Variants in BACH2 observed in about 807,000 individuals in gnomAD.
BACH2 encodes the protein BACH transcriptional regulator 2.
A neutral mutation model predicts 61.8 loss-of-function variants in BACH2; 5 were observed. That is an observed-to-expected ratio of 0.08 (90% CI 0.04 to 0.17). BACH2 has a LOEUF of 0.17. Ranked by LOEUF, BACH2 falls within the 10% of genes least tolerant of loss-of-function variation. The pLI is 1.00. For missense variants in BACH2, 824 were observed against 1,091.1 expected (o/e 0.76, Z 3.45); for synonymous variants, 446 against 440.1 (o/e 1.01, Z -0.17).
At position 89,950,687 on chromosome 6, in the gene BACH2, G is replaced by T; in HGVS notation, c.1419C>A (p.Ser473=). ...GGGAGTAGGCCTGCGAGCTGGGGAG[G>T]GACTGGCCGGCTCCCACCCACAGAC... ...PKGLWVGAGQ[S]LPSSQAYSHG... is the part of the protein sequence containing the mutation. Residue 473 remains serine (S), a synonymous_variant, in exon 7 of 9, where the codon TCC becomes TCA. Coordinates refer to ENST00000257749, the MANE Select transcript of BACH2 (RefSeq NM_021813.4). This position sits in a 1 kb window ranked among gnomAD's most constrained non-coding sequence, Gnocchi z 5.3. The T allele has an allele frequency of 6.2e-7, 1 of 1,614,098 alleles. No homozygotes were observed. The highest frequency in any genetic ancestry group is 8.5e-7 in the Non-Finnish European group (1 of 1,180,024).
chr6:90,176,440 C>T (rs1010881313), intron 4 of BACH2, among the ~76,000 whole-genome samples: 1 of 152,152 alleles, frequency 6.6e-6, no homozygotes, highest in Non-Finnish European at 1.5e-5. Context: ...CACCTCACGG[C>T]ACCTGGACAA....
At chr6:90,266,231 G>A (rs1466338609) in intron 2 of BACH2, among the ~76,000 whole-genome samples, 1 of 152,128 alleles carries the variant, frequency 6.6e-6, no homozygotes, top group African/African-American at 2.4e-5. Context: ...AAATCCAGAG[G>A]GTGTGATATG....
In BACH2 at chr6:90,087,727, G is replaced by GTT. The variant is rs11403190; in HGVS notation, c.-13+1232_-13+1233dup. On this transcript the variant is annotated intron_variant, in intron 5 of 8. Coordinates refer to ENST00000257749, the MANE Select transcript of BACH2 (RefSeq NM_021813.4). ...GGTGTGCTTCCCTTCCCATGTGTGT[G>GTT]TTTTTTTTTTATTTTTAACTTTTGT... Among the ~76,000 whole-genome samples the GTT allele has an allele frequency of 1.7e-4, 25 of 149,420 alleles. 1 individual carries two copies. Among genetic ancestry groups the GTT allele is most frequent in the Admixed American group, 5.3e-4 (8 of 15,036 alleles).
rs1446852729 is a variant in BACH2, at chr6:89,928,122, A to G, written c.*4286T>C. 8.0e-6 allele frequency: 1 copy of G among 125,326 alleles called. No homozygotes were observed. 7.8% of individuals were successfully genotyped at this position (125,326 alleles called of 1,614,324 possible). A position where few individuals can be genotyped will look rare whatever the true frequency, so the allele number is the denominator to read the frequency against. ...ATACAACGAACAGCTTTATTCTTAGAAAACAAAAACAAAAACAAAAAACAC... is the reference window on the plus strand; with the variant it reads ...ATACAACGAACAGCTTTATTCTTAGGAAACAAAAACAAAAACAAAAAACAC... On this transcript the variant is annotated 3_prime_UTR_variant, in exon 9 of 9. Coordinates refer to ENST00000257749, the MANE Select transcript of BACH2 (RefSeq NM_021813.4).
At chr6:90,092,291 A>AAAAAAAAAAAAAATATATATATATAT in intron 4 of BACH2, among the ~76,000 whole-genome samples, 1 of 113,826 alleles carries the variant, frequency 8.8e-6, no homozygotes, top group African/African-American at 3.6e-5. Context: ...AAAAAAAAAA[A>AAAAAAAAAAAAAATATATATATATAT]ATATATATAT....
At chr6:90,007,854 A>G (rs554251029) in intron 6 of BACH2, among the ~76,000 whole-genome samples, 1 of 152,186 alleles carries the variant, frequency 6.6e-6, no homozygotes, top group Admixed American at 6.5e-5. Flanking sequence ...CCCGAACACA[A>G]AGTATTATCC....
chr6:90,132,806 A>AATCCT (rs1273333722), intron 4 of BACH2, among the ~76,000 whole-genome samples: 1 of 152,118 alleles, frequency 6.6e-6, no homozygotes, highest in Non-Finnish European at 1.5e-5. Flanking sequence ...CTGTCTTTCC[A>AATCCT]ATCCTATTTC....
At chr6:90,212,302 C>T (rs1341444203) in intron 3 of BACH2, among the ~76,000 whole-genome samples, 2 of 152,152 alleles carry the variant, frequency 1.3e-5, no homozygotes, top group Non-Finnish European at 2.9e-5. Flanking sequence ...TAGACTCCTG[C>T]CCCCTTCCCC....
chr6:90,185,156 G>A (rs1768311560), intron 4 of BACH2, among the ~76,000 whole-genome samples: 1 of 152,150 alleles, frequency 6.6e-6, no homozygotes, highest in African/African-American at 2.4e-5. Context: ...AGACAGACAC[G>A]GAACAGCCAA....
At chr6:90,022,157 T>G (rs1276416257) in intron 5 of BACH2, among the ~76,000 whole-genome samples, 1 of 152,236 alleles carries the variant, frequency 6.6e-6, no homozygotes, top group Non-Finnish European at 1.5e-5. Context: ...AGTCCCAATT[T>G]TTTTTGCTAA....
At chr6:89,943,253 G>A (rs2128354979) in intron 7 of BACH2, among the ~76,000 whole-genome samples, 1 of 152,204 alleles carries the variant, frequency 6.6e-6, no homozygotes, top group African/African-American at 2.4e-5. Context: ...CGAGGCAGAG[G>A]GGAGGCTGTA....
At chr6:90,125,456 T>C (rs1783808522) in intron 4 of BACH2, among the ~76,000 whole-genome samples, 1 of 152,202 alleles carries the variant, frequency 6.6e-6, no homozygotes, top group Non-Finnish European at 1.5e-5. Context: ...TCCTCTGCCG[T>C]CAGGAATGGG....
intron 4 of BACH2, among the ~76,000 whole-genome samples, chr6:90,187,724 TTC>T (rs1406199390): frequency 6.6e-6 from 1 of 152,242 alleles, no homozygotes; most frequent in Non-Finnish European, 1.5e-5. Context: ...GATCAGATTA[TTC>T]TGTTTTTTAA....
intron 6 of BACH2, among the ~76,000 whole-genome samples, chr6:89,974,040 T>C (rs1242503852): frequency 6.6e-6 from 1 of 152,192 alleles, no homozygotes; most frequent in Non-Finnish European, 1.5e-5. Context: ...AAACTTGAAC[T>C]AGAGCTGGAG....
chr6:90,242,238 C>G (rs1477094507), intron 3 of BACH2, among the ~76,000 whole-genome samples: 1 of 152,196 alleles, frequency 6.6e-6, no homozygotes, highest in African/African-American at 2.4e-5. Context: ...CTGTGCTCCA[C>G]CTGTTCATCC....
chr6:90,141,482 C>A (rs1183386035), intron 4 of BACH2, among the ~76,000 whole-genome samples: 2 of 149,318 alleles, frequency 1.3e-5, no homozygotes, highest in East Asian at 3.9e-4. Flanking sequence ...TACCCCGCCC[C>A]GATCCCGTTT....
chr6:90,190,223 G>A (rs375105757), intron 4 of BACH2, among the ~76,000 whole-genome samples: 3 of 152,188 alleles, frequency 2.0e-5, no homozygotes, highest in African/African-American at 7.2e-5. Context: ...GATTATAGGC[G>A]TGAGCCACCG....
intron 2 of BACH2, among the ~76,000 whole-genome samples, chr6:90,267,710 G>C (rs1771384266): frequency 6.6e-6 from 1 of 152,180 alleles, no homozygotes; most frequent in Admixed American, 6.5e-5. Context: ...CTGTTAAAAA[G>C]AGCCACTAGA....
intron 1 of BACH2, 34 bp from the exon 2 acceptor site, chr6:90,271,975 A>G (rs1771539179): frequency 6.6e-6 from 1 of 152,370 alleles, no homozygotes; most frequent in Admixed American, 6.5e-5. Flanking sequence ...CAGTTAGGTC[A>G]CTATAACAAA....
Sources: allele counts gnomAD v4.1 joint callset (sites outside exome capture counted in the v4.1 genomes callset), GRCh38; gene constraint gnomAD v4.1.1; non-coding constraint Gnocchi (gnomAD v3.1); transcripts MANE v1.5; gene names NCBI Gene and HGNC (gene_info 2026-07-23, HGNC 2026-07-21).